Variants in SMOX observed in about 807,000 individuals in gnomAD.
The protein encoded by SMOX is flavin containing amine oxidase.
In SMOX, 22 loss-of-function variants were observed where a neutral mutation model predicts 51.0. The ratio of observed to expected loss-of-function variants is 0.43; its 90% confidence interval spans 0.31 to 0.62. The LOEUF is 0.62. Among genes scored for constraint, SMOX ranks in the 20% least tolerant of loss-of-function variants. The pLI is 0.10. For synonymous variants in SMOX, 282 were observed against 307.8 expected (o/e 0.92, Z 0.88); for missense variants, 566 against 777.7 (o/e 0.73, Z 3.24).
At chr20:4,171,262 A>C (rs953864378) in intron 1 of SMOX, among the ~76,000 whole-genome samples, 5 of 152,210 alleles carry the variant, frequency 3.3e-5, no homozygotes, top group Admixed American at 6.5e-5. Context: ...TCAGTAAGGC[A>C]GTTTCTCATA....
intron 1 of SMOX, among the ~76,000 whole-genome samples, chr20:4,161,134 GGAGAAGCCCCACC>G (rs1270223842): frequency 6.6e-6 from 1 of 152,186 alleles, no homozygotes; most frequent in African/African-American, 2.4e-5. Flanking sequence ...CAGGGATAGG[GGAGAAGCCCCACC>G]GGGAAGCCAC....
At chr20:4,160,404 G>A (rs948226599) in intron 1 of SMOX, among the ~76,000 whole-genome samples, 6 of 152,190 alleles carry the variant, frequency 3.9e-5, no homozygotes, top group Admixed American at 1.3e-4. Context: ...GGCTGAGTAG[G>A]GGGGCCTGAG....
At chr20:4,173,613 T>C (rs73583985) in intron 1 of SMOX, among the ~76,000 whole-genome samples, 2,148 of 152,320 alleles carry the variant, frequency 0.014, 35 homozygotes, top group African/African-American at 0.049. Context: ...TGCTATGTCA[T>C]GGGAACAGTT....
At chr20:4,161,569 G>A (rs561356678) in intron 1 of SMOX, among the ~76,000 whole-genome samples, 8 of 152,310 alleles carry the variant, frequency 5.3e-5, no homozygotes, top group African/African-American at 1.7e-4. Context: ...TCATGCTGAT[G>A]TGGCCCTTGC....
Position 4,182,406 on chromosome 20 carries a change from G to C in SMOX, c.927G>C (p.Glu309Asp). Residue 309 changes from glutamate to aspartate, a missense_variant, in exon 5 of 7, where the codon GAG (glutamate) becomes GAC (aspartate). Physicochemically the swap from Glu to Asp is conservative, Grantham distance 45 (BLOSUM62 2). Transcript: ENST00000305958. The surrounding 1 kb of genome is among the most constrained non-coding windows in gnomAD (Gnocchi z 8.4). ...GGGGGGGCAGGTGGGATGAGGATGA[G>C]CAGTGGTCGGTGGTGGTGGAGTGCG... is the stretch of plus-strand genomic sequence containing the variant. ...EPRGGRWDED[E>D]QWSVVVECED... 2 of 1,602,592 alleles carry C rather than the reference G, an allele frequency of 1.2e-6. No homozygotes were observed. The highest frequency in any genetic ancestry group is 1.7e-6 in the Non-Finnish European group (2 of 1,173,924).
At chr20:4,151,957 T>G (rs1304084696) in intron 1 of SMOX, among the ~76,000 whole-genome samples, 1 of 152,134 alleles carries the variant, frequency 6.6e-6, no homozygotes, top group Non-Finnish European at 1.5e-5. Flanking sequence ...AGGTGGGTAT[T>G]GCAGTGAGCA....
intron 1 of SMOX, among the ~76,000 whole-genome samples, chr20:4,158,044 G>A (rs1452509427): frequency 6.6e-6 from 1 of 150,756 alleles, no homozygotes; most frequent in Non-Finnish European, 1.5e-5. Flanking sequence ...GGGACTACAG[G>A]CGCCCGCCAC....
rs188055768 is a variant in SMOX at position 4,186,850 on chromosome 20, C to T, written c.1531-420C>T. ...CCGTAAAGGTTTGTCAAATTACCACCGACTTTATTGAGTGCTTTGTTCTTC... is the reference window on the plus strand; with the variant it reads ...CCGTAAAGGTTTGTCAAATTACCACTGACTTTATTGAGTGCTTTGTTCTTC... On this transcript the variant is annotated intron_variant, in intron 6 of 6. Coordinates refer to ENST00000305958, the MANE Select transcript of SMOX (RefSeq NM_175839.3). 455 of 779,670 alleles carry T rather than the reference C, an allele frequency of 5.8e-4. 4 individuals carry two copies. The African/African-American group carries it at 6.4e-3, about 11-fold the overall frequency. 48.3% of individuals were successfully genotyped at this position (779,670 alleles called of 1,614,324 possible). A position where few individuals can be genotyped will look rare whatever the true frequency, so the allele number is the denominator to read the frequency against.
chr20:4,182,517 G>A lies in SMOX; in HGVS notation c.1038G>A (p.Arg346=), dbSNP rs763026025. The A allele has an allele frequency of 9.9e-6, 16 of 1,611,202 alleles. No homozygotes were observed. Among genetic ancestry groups the A allele is most frequent in the East Asian group, 4.5e-5 (2 of 44,838 alleles). The part of the protein sequence containing the change: ...VLKRQYTSFF[R]PGLPTEKVAA... ...AGAGGCAGTACACCAGTTTCTTCCG[G>A]CCAGGCCTGCCCACAGAGAAGGTGG... The change falls in exon 5 of 7, where the codon CGG becomes CGA. Residue 346 remains arginine (R), a synonymous_variant. Coordinates refer to ENST00000305958, the MANE Select transcript of SMOX (RefSeq NM_175839.3). The surrounding 1 kb of genome is among the most constrained non-coding windows in gnomAD (Gnocchi z 8.4).
intron 1 of SMOX, among the ~76,000 whole-genome samples, chr20:4,164,312 A>G (rs1986458558): frequency 6.6e-6 from 1 of 152,106 alleles, no homozygotes; most frequent in Admixed American, 6.5e-5. Flanking sequence ...TAGTGTGCAG[A>G]CTGGGGCCTG....
chr20:4,182,523 C>A lies in SMOX; in HGVS notation c.1044C>A (p.Gly348=). The A allele has an allele frequency of 6.2e-7, 1 of 1,612,294 alleles. No homozygotes were observed. The highest frequency in any genetic ancestry group is 8.5e-7 in the Non-Finnish European group (1 of 1,179,044). ...AGTACACCAGTTTCTTCCGGCCAGG[C>A]CTGCCCACAGAGAAGGTGGCTGCCA... ...KRQYTSFFRP[G]LPTEKVAAIH... is the part of the protein sequence containing the mutation. Residue 348 remains glycine, a synonymous_variant, in exon 5 of 7, where the codon GGC becomes GGA. Coordinates refer to ENST00000305958, the MANE Select transcript of SMOX (RefSeq NM_175839.3). This position sits in a 1 kb window ranked among gnomAD's most constrained non-coding sequence, Gnocchi z 8.4.
chr20:4,158,661 C>T (rs1986152736), intron 1 of SMOX, among the ~76,000 whole-genome samples: 1 of 152,120 alleles, frequency 6.6e-6, no homozygotes, highest in South Asian at 2.1e-4. Context: ...GTCCTGTCTT[C>T]CCCATGCAGC....
In SMOX at chr20:4,178,043, T is replaced by C. The variant is rs1979016046; in HGVS notation, c.435+466T>C. On this transcript the variant is annotated intron_variant, in intron 3 of 6. Transcript: ENST00000305958. ...AGGAACTGAATATTTAATTTTTTGT[T>C]GTTGTTGTTTGTTTTTGAGATGGAG... 2.0e-5 allele frequency among the ~76,000 whole-genome samples: 3 copies of C among 152,280 alleles called. No homozygotes were observed. In the South Asian group the frequency reaches 6.2e-4, roughly 32 times the overall value.
rs765312783 is a variant in SMOX at position 4,182,124 on chromosome 20, C to T, written c.645C>T (p.Asp215=). The stretch of plus-strand genomic sequence containing the variant: ...GTGAGAGCAGCTCACACAGCATGGA[C>T]GAGGTGTCCCTGAGCGCCTTCGGGG... ...ESCESSSHSM[D]EVSLSAFGEW... is the part of the protein sequence containing the mutation. The change falls in exon 5 of 7, where the codon GAC becomes GAT. Residue 215 remains aspartate, a synonymous_variant. Coordinates refer to ENST00000305958, the MANE Select transcript of SMOX (RefSeq NM_175839.3). This position sits in a 1 kb window ranked among gnomAD's most constrained non-coding sequence, Gnocchi z 8.4. 35 of 1,604,172 alleles carry T rather than the reference C, an allele frequency of 2.2e-5. No individual in the cohort carries two copies. The highest frequency in any genetic ancestry group is 1.8e-4 in the Admixed American group (11 of 59,502).
intron 1 of SMOX, among the ~76,000 whole-genome samples, chr20:4,171,382 A>G (rs576243100): frequency 7.0e-4 from 106 of 152,334 alleles, no homozygotes; most frequent in African/African-American, 2.5e-3. Context: ...CATTTAGCAC[A>G]CAGTAGGTGT....
chr20:4,179,837 G>A (rs1438996051), intron 3 of SMOX, among the ~76,000 whole-genome samples: 1 of 152,184 alleles, frequency 6.6e-6, no homozygotes, highest in Non-Finnish European at 1.5e-5. Flanking sequence ...GAGAATTGGG[G>A]TGAGTATTAT....
At chr20:4,158,809 C>T (rs58737057) in intron 1 of SMOX, among the ~76,000 whole-genome samples, 2,477 of 152,028 alleles carry the variant, frequency 0.016, 69 homozygotes, top group African/African-American at 0.054. Flanking sequence ...ACCAGATCTC[C>T]GGGACAGCCC....
At chr20:4,156,880 T>C (rs1375926274) in intron 1 of SMOX, among the ~76,000 whole-genome samples, 1 of 152,116 alleles carries the variant, frequency 6.6e-6, no homozygotes, top group East Asian at 1.9e-4. Context: ...GTAGCTGGGA[T>C]TACAGGCGCT....
chr20:4,170,193 G>A lies in SMOX; in HGVS notation c.-26-4837G>A, dbSNP rs1459876335. 1.3e-5 allele frequency among the ~76,000 whole-genome samples: 2 copies of A among 152,004 alleles called. No homozygotes were observed. Among genetic ancestry groups the A allele is most frequent in the Non-Finnish European group, 2.9e-5 (2 of 67,998 alleles). On this transcript the variant is annotated intron_variant, in intron 1 of 6. Transcript: ENST00000305958. This position sits in a 1 kb window ranked among gnomAD's most constrained non-coding sequence, Gnocchi z 4.6. ...TGCTTCTGGCGCAGTTGGGGGTGGA[G>A]GTGACATGATTCAGGCTGTGGAGTT...
Sources: gnomAD v4.1 joint callset for allele counts (sites outside exome capture counted in the v4.1 genomes callset) on GRCh38, gnomAD v4.1.1 for gene constraint, Gnocchi (gnomAD v3.1) non-coding constraint, MANE v1.5 for transcripts, NCBI Gene and HGNC (gene_info 2026-07-23, HGNC 2026-07-21) for gene names.